ANK2: variants seen among roughly 807,000 people sequenced by gnomAD.
The protein encoded by ANK2 is ankyrin-2.
In ANK2, 83 loss-of-function variants were observed where a neutral mutation model predicts 360.5. That is an observed-to-expected ratio of 0.23 (90% confidence interval 0.19 to 0.28). The LOEUF (loss-of-function observed/expected upper bound fraction) is 0.28. Ranked by LOEUF, ANK2 falls within the 10% of genes least tolerant of loss-of-function variation. ANK2 has a pLI of 1.00. For missense variants in ANK2, 4,201 were observed against 4,795.7 expected, an observed-to-expected ratio of 0.88 and a Z score of 3.66; for synonymous variants, 1,740 against 1,759.5, an observed-to-expected ratio of 0.99 and a Z score of 0.28.
At chr4:113,186,921 T>A (rs188492544) in intron 2 of ANK2, among the ~76,000 whole-genome samples, 2 of 152,166 alleles carry the variant, frequency 1.3e-5, no homozygotes, top group East Asian at 3.9e-4. Flanking sequence ...TTAGTCCCCA[T>A]ACTCAGTTCA....
chr4:113,170,182 C>T (rs574583305), intron 1 of ANK2, among the ~76,000 whole-genome samples: 79 of 152,196 alleles, frequency 5.2e-4, no homozygotes, highest in Admixed American at 2.0e-3. Context: ...GAATTGTGTA[C>T]GCAAACCAAT....
intron 1 of ANK2, among the ~76,000 whole-genome samples, chr4:113,066,781 C>T (rs2075756547): frequency 6.6e-6 from 1 of 152,124 alleles, no homozygotes; most frequent in African/African-American, 2.4e-5. Flanking sequence ...ACCACCTGCT[C>T]TGCTGCATGC....
chr4:113,262,956 G>A lies in ANK2; in HGVS notation c.1387-1941G>A, dbSNP rs529118561. ...TGTAATCCCAGCACTTTGGGAGGCCGAGGCGGGTGGATCACTAGGTCAGGA... is the reference window on the plus strand; with the variant it reads ...TGTAATCCCAGCACTTTGGGAGGCCAAGGCGGGTGGATCACTAGGTCAGGA... On this transcript the variant is annotated intron_variant, in intron 13 of 45. Coordinates refer to ENST00000357077, the MANE Select transcript of ANK2 (RefSeq NM_001148.6). Among the ~76,000 whole-genome samples the A allele has an allele frequency of 7.9e-5, 12 of 151,824 alleles. No homozygotes were observed. In the South Asian group the frequency reaches 1.2e-3, roughly 16 times the overall value.
chr4:112,973,188 TAA>T lies in ANK2; in HGVS notation c.21+68689_21+68690del, dbSNP rs34597000. ...CTATTGAAATAAATCATTTGCATTG[TAA>T]AAAAAAAAAAAAAAGACTTTTTCCA... is the stretch of plus-strand genomic sequence containing the variant. On this transcript the variant is annotated intron_variant, in intron 2 of 30. Transcript: ENST00000503271. 7.2e-3 allele frequency among the ~76,000 whole-genome samples: 965 copies of T among 134,620 alleles called. 9 individuals are homozygous for T. Among genetic ancestry groups the T allele is most frequent in the African/African-American group, 0.021 (792 of 36,924 alleles). The allele number at this position is 134,620 out of a possible 152,430, so 88.3% of individuals were successfully genotyped here.
intron 1 of ANK2, among the ~76,000 whole-genome samples, chr4:113,159,191 C>CCACACACACACACA (rs57967546): frequency 3.2e-4 from 45 of 142,034 alleles, no homozygotes; most frequent in South Asian, 9.5e-4. Flanking sequence ...CTCTTTCCTT[C>CCACACACACACACA]CACACACACA....
At position 113,341,921 on chromosome 4, in the gene ANK2, T is replaced by C; in HGVS notation, c.4122+5T>C. On this transcript the variant is annotated splice_donor_5th_base_variant and intron_variant, in intron 33 of 45. Transcript: ENST00000357077. ...GCCAGAAGCAGGGATGTGGAGGTACTGTACCAAAAATAATAATAATAATTT... is the reference window on the plus strand; with the variant it reads ...GCCAGAAGCAGGGATGTGGAGGTACCGTACCAAAAATAATAATAATAATTT... 1 of 1,593,614 alleles carries C rather than the reference T, an allele frequency of 6.3e-7. No individual in the cohort carries two copies.
chr4:113,305,508 G>C (rs560234020), intron 23 of ANK2, among the ~76,000 whole-genome samples: 2 of 152,244 alleles, frequency 1.3e-5, no homozygotes, highest in African/African-American at 4.8e-5. Context: ...ATTATCTTTT[G>C]TGGCAAGAGA....
Position 113,348,276 on chromosome 4 carries a change from G to C in ANK2, c.4372G>C (p.Glu1458Gln). The C allele has an allele frequency of 6.2e-7, 1 of 1,613,362 alleles. No individual in the cohort carries two copies. Among genetic ancestry groups the C allele is most frequent in the South Asian group, 1.1e-5 (1 of 91,034 alleles). ...TTGCATGGCATCTTGGGGCGGAAAG[G>C]AATCAGAGTCAGATCAAGAACAGGA... is the stretch of plus-strand genomic sequence containing the variant. The part of the protein sequence containing the change: ...LNITLPIYTK[E>Q]SESDQEQEEE... Residue 1458 changes from glutamate (E) to glutamine (Q), a missense_variant and splice_region_variant, in exon 36 of 46, where the codon GAA (glutamate) becomes CAA (glutamine). Glu to Gln is a conservative substitution (Grantham distance 29, BLOSUM62 2). This residue lies in a region of ANK2 where 1,268 missense variants were observed against 1,650.8 expected (regional missense o/e 0.77). Coordinates refer to ENST00000357077, the MANE Select transcript of ANK2 (RefSeq NM_001148.6).
Position 113,353,726 on chromosome 4 carries a change from C to T in ANK2, c.5108C>T (p.Pro1703Leu). ...AAACCAAGCTTGGGAATAAAGAAGC[C>T]AGTAAGAAGGAAATTAAAAGAAAAG... The part of the protein sequence containing the change: ...QHKPSLGIKK[P>L]VRRKLKEKQK... Residue 1703 changes from proline to leucine, a missense_variant, in exon 38 of 46, where the codon CCA becomes CTA. Coordinates refer to ENST00000357077, the MANE Select transcript of ANK2 (RefSeq NM_001148.6). 1.9e-6 allele frequency: 3 copies of T among 1,613,586 alleles called. No individual in the cohort carries two copies. Among genetic ancestry groups the T allele is most frequent in the Non-Finnish European group, 2.5e-6 (3 of 1,179,902 alleles).
chr4:112,891,742 A>G (rs892253275), intron 1 of ANK2, among the ~76,000 whole-genome samples: 3 of 152,196 alleles, frequency 2.0e-5, no homozygotes, highest in African/African-American at 7.2e-5. Context: ...TAGCATTAGG[A>G]AAGAGGAAAC....
intron 4 of ANK2, among the ~76,000 whole-genome samples, chr4:113,208,607 C>T (rs975713326): frequency 2.6e-5 from 4 of 151,898 alleles, no homozygotes; most frequent in South Asian, 2.1e-4. Flanking sequence ...GCTCAAGCAA[C>T]CCTCCTACCT....
At chr4:112,935,297 C>T (rs2093637327) in intron 2 of ANK2, among the ~76,000 whole-genome samples, 1 of 152,134 alleles carries the variant, frequency 6.6e-6, no homozygotes, top group Admixed American at 6.5e-5. Context: ...AGATTTACTG[C>T]TTTGAAAAGT....
intron 4 of ANK2, among the ~76,000 whole-genome samples, chr4:113,218,574 T>C (rs1051435634): frequency 6.6e-6 from 1 of 152,090 alleles, no homozygotes; most frequent in Non-Finnish European, 1.5e-5. Context: ...CATCTATATT[T>C]ATTAACAAAG....
chr4:112,752,619 T>G, the ANK2 span, among the ~76,000 whole-genome samples: 1 of 151,480 alleles, frequency 6.6e-6, no homozygotes, highest in Non-Finnish European at 1.5e-5. Context: ...GTCTTCCCAC[T>G]TCTGTCTCCT....
At chr4:112,995,121 A>C (rs75998471) in intron 2 of ANK2, among the ~76,000 whole-genome samples, 13,374 of 152,226 alleles carry the variant, frequency 0.088, 1,110 homozygotes, top group African/African-American at 0.22. Context: ...CTTTGGGTAT[A>C]TATTCAGTAA....
intron 1 of ANK2, among the ~76,000 whole-genome samples, chr4:112,867,608 T>C (rs183605816): frequency 3.3e-5 from 5 of 152,052 alleles, no homozygotes; most frequent in South Asian, 4.2e-4. Flanking sequence ...TTTGCTTCTA[T>C]GGATTTGCTT....
intron 1 of ANK2, among the ~76,000 whole-genome samples, chr4:113,114,072 G>A (rs944812010): frequency 1.4e-4 from 21 of 152,204 alleles, no homozygotes; most frequent in African/African-American, 3.6e-4. Flanking sequence ...CACACACTAC[G>A]AATGGACTTG....
intron 1 of ANK2, among the ~76,000 whole-genome samples, chr4:112,896,835 C>A (rs1429093074): frequency 1.3e-5 from 2 of 152,198 alleles, no homozygotes; most frequent in Admixed American, 6.5e-5. Context: ...TACTTACCTG[C>A]TCCTTCCAGT....
At chr4:113,372,590 A>G in intron 43 of ANK2, 1 of 1,535,980 alleles carries the variant, frequency 6.5e-7, no homozygotes, top group Non-Finnish European at 8.7e-7. Flanking sequence ...GGCGATGGTA[A>G]CTACCAGGGT....
Sources: allele counts gnomAD v4.1 joint callset (sites outside exome capture counted in the v4.1 genomes callset), GRCh38; gene constraint gnomAD v4.1.1; regional missense constraint gnomAD v4.1.1; transcripts MANE v1.5; gene names NCBI Gene and HGNC (gene_info 2026-07-23, HGNC 2026-07-21).